The following SPTSSB variants were observed in gnomAD, a reference collection of about 807,000 sequenced individuals.
SPTSSB encodes serine palmitoyltransferase small subunit B.
SPTSSB carries 6 observed loss-of-function variants against 7.7 expected under a neutral mutation model. The ratio of observed to expected loss-of-function variants is 0.78; its 90% confidence interval spans 0.43 to 1.54. The LOEUF is 1.54. Among genes scored for constraint, SPTSSB ranks in the 40% most tolerant of loss-of-function variants. The probability of loss-of-function intolerance (pLI) is 0.01; values close to 1 mark genes in which losing one functional copy is unlikely to be tolerated. For synonymous variants in SPTSSB, 28 were observed against 29.7 expected, an observed-to-expected ratio of 0.94 and a Z score of 0.19; for missense variants, 91 against 93.0, an observed-to-expected ratio of 0.98 and a Z score of 0.09.
intron 1 of SPTSSB, among the ~76,000 whole-genome samples, chr3:161,367,567 C>T (rs1325746055): frequency 6.6e-6 from 1 of 152,190 alleles, no homozygotes; most frequent in African/African-American, 2.4e-5. Flanking sequence ...GTTCTTAGTA[C>T]AGGATCAGGC....
chr3:161,346,064 C>A lies in SPTSSB; in HGVS notation c.*29G>T. ...AAGCTGTAAGCAACATATAAATATGCAATGCCATTTCACTGAATGTGAACA... is the reference window on the plus strand; with the variant it reads ...AAGCTGTAAGCAACATATAAATATGAAATGCCATTTCACTGAATGTGAACA... On this transcript the variant is annotated 3_prime_UTR_variant, in exon 3 of 3. Coordinates refer to ENST00000620149, the MANE Select transcript of SPTSSB (RefSeq NM_001040100.2). The A allele has an allele frequency of 8.9e-7, 1 of 1,121,820 alleles. No homozygotes were observed. Among genetic ancestry groups the A allele is most frequent in the Non-Finnish European group, 1.4e-6 (1 of 734,608 alleles). The allele number at this position is 1,121,820 out of a possible 1,614,324, so 69.5% of individuals were successfully genotyped here.
intron 2 of SPTSSB, among the ~76,000 whole-genome samples, chr3:161,353,054 C>T (rs1413417048): frequency 6.6e-6 from 1 of 151,978 alleles, no homozygotes; most frequent in African/African-American, 2.4e-5. Flanking sequence ...AGCTCTTTTC[C>T]TCTCTTTCTA....
At chr3:161,371,167 G>A (rs1315050098) in intron 1 of SPTSSB, among the ~76,000 whole-genome samples, 3 of 152,156 alleles carry the variant, frequency 2.0e-5, no homozygotes, top group Non-Finnish European at 4.4e-5. Context: ...AAGGTAAATA[G>A]TGAAAATAGT....
At chr3:161,353,150 T>C (rs762823761) in intron 2 of SPTSSB, among the ~76,000 whole-genome samples, 2 of 152,210 alleles carry the variant, frequency 1.3e-5, no homozygotes, top group African/African-American at 4.8e-5. Context: ...AGATAATTGA[T>C]AATTGTCTCT....
chr3:161,346,241 G>A lies in SPTSSB; in HGVS notation c.83C>T (p.Pro28Leu), dbSNP rs767977403. 6.2e-7 allele frequency: 1 copy of A among 1,613,796 alleles called. No homozygotes were observed. The highest frequency in any genetic ancestry group is 1.1e-5 in the South Asian group (1 of 91,064). ...GGTGTTAAACATAGATCGCTCCCAG[G>A]GCTCTAAAACAGCACAGCAGCTAAT... ...QIISCCAVLE[P>L]WERSMFNTIL... Residue 28 changes from proline to leucine, a missense_variant, in exon 3 of 3, where the codon CCC becomes CTC. Pro to Leu is a moderately conservative substitution (Grantham distance 98). Transcript: ENST00000620149.
rs537985114 is a variant in SPTSSB at position 161,358,820 on chromosome 3, C to T, written c.-33+982G>A. Among the ~76,000 whole-genome samples, 8 of 152,204 alleles carry T rather than the reference C, an allele frequency of 5.3e-5. 1 individual carries two copies. The highest frequency in any genetic ancestry group is 1.9e-4 in the African/African-American group (8 of 41,532). ...ACAGTGTTCTGCAAATGCCAGGCATCCTACAAGTATTTTTGAATTAGTAAA... is the reference window on the plus strand; with the variant it reads ...ACAGTGTTCTGCAAATGCCAGGCATTCTACAAGTATTTTTGAATTAGTAAA... On this transcript the variant is annotated intron_variant, in intron 2 of 2. Transcript: ENST00000620149.
At chr3:161,357,083 T>C (rs1463376079) in intron 2 of SPTSSB, among the ~76,000 whole-genome samples, 2 of 152,228 alleles carry the variant, frequency 1.3e-5, no homozygotes, top group African/African-American at 2.4e-5. Flanking sequence ...GTGCTCTCTC[T>C]GCCAACCCCT....
Position 161,358,548 on chromosome 3 carries a change from T to A in SPTSSB, c.-33+1254A>T, listed in dbSNP as rs114661844. 2.8e-3 allele frequency among the ~76,000 whole-genome samples: 419 copies of A among 152,318 alleles called. 3 individuals carry two copies. Among genetic ancestry groups the A allele is most frequent in the African/African-American group, 9.8e-3 (407 of 41,562 alleles). ...CACATAGGAAGAGCTAAGTGAATGTTAGCTATTATGATTACTACCACACTA... is the reference window on the plus strand; with the variant it reads ...CACATAGGAAGAGCTAAGTGAATGTAAGCTATTATGATTACTACCACACTA... On this transcript the variant is annotated intron_variant, in intron 2 of 2. Coordinates refer to ENST00000620149, the MANE Select transcript of SPTSSB (RefSeq NM_001040100.2).
chr3:161,359,857 G>T lies in SPTSSB; in HGVS notation c.-88C>A. ...TTGCTCCTTCACGAAATGATCCTGT[G>T]TGGGTTAGTTCTCCTCTCTGGGTTG... On this transcript the variant is annotated 5_prime_UTR_variant, in exon 2 of 3. Transcript: ENST00000620149. The T allele has an allele frequency of 2.1e-6, 2 of 941,312 alleles. No homozygotes were observed. The highest frequency in any genetic ancestry group is 1.3e-6 in the Non-Finnish European group (1 of 789,792). The allele number at this position is 941,312 out of a possible 1,614,324, so 58.3% of individuals were successfully genotyped here.
At position 161,345,829 on chromosome 3, in the gene SPTSSB, A is replaced by T; in HGVS notation, c.*264T>A. On this transcript the variant is annotated 3_prime_UTR_variant, in exon 3 of 3. Coordinates refer to ENST00000620149, the MANE Select transcript of SPTSSB (RefSeq NM_001040100.2). ...ATTGTTCTGATTTTAAATAAACTAAATTCATAGATTTGTGTTGACAGAATA... is the reference window on the plus strand; with the variant it reads ...ATTGTTCTGATTTTAAATAAACTAATTTCATAGATTTGTGTTGACAGAATA... 3.3e-6 allele frequency: 1 copy of T among 298,600 alleles called. No individual in the cohort carries two copies. Among genetic ancestry groups the T allele is most frequent in the Non-Finnish European group, 6.3e-6 (1 of 157,576 alleles). 18.5% of individuals were successfully genotyped at this position (298,600 alleles called of 1,614,324 possible). A position where few individuals can be genotyped will look rare whatever the true frequency, so the allele number is the denominator to read the frequency against.
intron 1 of SPTSSB, among the ~76,000 whole-genome samples, chr3:161,366,375 G>A (rs532073053): frequency 6.6e-6 from 1 of 152,238 alleles, no homozygotes; most frequent in South Asian, 2.1e-4. Flanking sequence ...GAAGGCCTTT[G>A]TGCTGATATA....
At chr3:161,364,835 G>GC (rs1715154487) in intron 1 of SPTSSB, among the ~76,000 whole-genome samples, 1 of 152,046 alleles carries the variant, frequency 6.6e-6, no homozygotes, top group African/African-American at 2.4e-5. Context: ...TGGTATTATT[G>GC]CCCCAGAAAA....
intron 2 of SPTSSB, among the ~76,000 whole-genome samples, chr3:161,358,044 GTTT>G (rs11353900): frequency 7.9e-5 from 9 of 114,544 alleles, no homozygotes; most frequent in African/African-American, 1.3e-4. Flanking sequence ...AGAAACTTTT[GTTT>G]TTTTTTTTTT....
chr3:161,370,603 A>T (rs1329403958), intron 1 of SPTSSB, among the ~76,000 whole-genome samples: 3 of 152,240 alleles, frequency 2.0e-5, no homozygotes, highest in Non-Finnish European at 4.4e-5. Context: ...TAAGTACTGC[A>T]CCACAAAATC....
chr3:161,346,808 A>C (rs1174854901), intron 2 of SPTSSB, among the ~76,000 whole-genome samples: 1 of 152,156 alleles, frequency 6.6e-6, no homozygotes, highest in African/African-American at 2.4e-5. Flanking sequence ...AGAACAGCCA[A>C]GACAGAGGGA....
At chr3:161,350,155 G>A in intron 2 of SPTSSB, among the ~76,000 whole-genome samples, 1 of 152,194 alleles carries the variant, frequency 6.6e-6, no homozygotes, top group East Asian at 1.9e-4. Context: ...TGCTCAGGGA[G>A]CTCTTTGTTG....
intron 2 of SPTSSB, chr3:161,347,895 T>C (rs554198966): frequency 6.6e-6 from 1 of 152,108 alleles, no homozygotes; most frequent in African/African-American, 2.4e-5. Context: ...CAAACTGCAC[T>C]AATTAAGTGA....
chr3:161,359,158 G>A (rs574631115), intron 2 of SPTSSB: 1 of 152,038 alleles, frequency 6.6e-6, no homozygotes, highest in East Asian at 1.9e-4. Context: ...AAAAATAAAG[G>A]AACCAGAAAA....
At chr3:161,350,856 T>C (rs115936894) in intron 2 of SPTSSB, among the ~76,000 whole-genome samples, 2,656 of 152,272 alleles carry the variant, frequency 0.017, 51 homozygotes, top group Non-Finnish European at 0.021. Flanking sequence ...ATTAGTCATG[T>C]TGATAACAAT....
Sources: allele counts gnomAD v4.1 joint callset (sites outside exome capture counted in the v4.1 genomes callset), GRCh38; gene constraint gnomAD v4.1.1; transcripts MANE v1.5; gene names NCBI Gene and HGNC (gene_info 2026-07-23, HGNC 2026-07-21).